The following NHSL1 variants were observed in gnomAD, a reference collection of about 807,000 sequenced individuals.
The protein encoded by NHSL1 is NHS-like protein 1.
In NHSL1, 48 loss-of-function variants were observed where a neutral mutation model predicts 95.0. That is an observed-to-expected ratio of 0.51 (90% CI 0.40 to 0.64). NHSL1 has a LOEUF of 0.64. Ranked by LOEUF, NHSL1 falls within the 30% of genes least tolerant of loss-of-function variation. NHSL1 has a pLI of 0.00. For synonymous variants in NHSL1, 783 were observed against 833.9 expected (o/e 0.94, Z 1.05); for missense variants, 1,971 against 2,077.7 (o/e 0.95, Z 1.00).
At chr6:138,458,308 T>C (rs572578553) in intron 3 of NHSL1, among the ~76,000 whole-genome samples, 1 of 152,334 alleles carries the variant, frequency 6.6e-6, no homozygotes, top group Non-Finnish European at 1.5e-5. Context: ...AGTCAGTTCT[T>C]CCTTACTGCT....
intron 1 of NHSL1, among the ~76,000 whole-genome samples, chr6:138,556,850 G>T (rs1334143616): frequency 6.6e-6 from 1 of 151,888 alleles, no homozygotes; most frequent in Non-Finnish European, 1.5e-5. Context: ...TAAATATAGA[G>T]GATACAAACA....
At chr6:138,571,880 C>T in exon 1 of NHSL1, 1 of 1,551,632 alleles carries the variant, frequency 6.4e-7, no homozygotes. Flanking sequence ...CGGCTGGAGT[C>T]TGAAGGAACC....
chr6:138,534,932 A>G (rs1782276784), intron 1 of NHSL1, among the ~76,000 whole-genome samples: 2 of 152,214 alleles, frequency 1.3e-5, no homozygotes, highest in Admixed American at 6.5e-5. Context: ...ATGCAGCTGC[A>G]AGTTCTGTAG....
intron 1 of NHSL1, among the ~76,000 whole-genome samples, chr6:138,620,722 TAAAAA>T (rs1328398975): frequency 1.3e-5 from 2 of 151,854 alleles, no homozygotes; most frequent in African/African-American, 4.8e-5. Context: ...TTCTAGAACT[TAAAAA>T]AAATATAATA....
chr6:138,627,071 G>A (rs1393870658), intron 1 of NHSL1, among the ~76,000 whole-genome samples: 2 of 152,004 alleles, frequency 1.3e-5, no homozygotes, highest in African/African-American at 4.8e-5. Context: ...CTATTCTAAG[G>A]GAAATAATAG....
At chr6:138,661,964 C>T (rs138435024) in intron 1 of NHSL1, among the ~76,000 whole-genome samples, 3 of 152,128 alleles carry the variant, frequency 2.0e-5, no homozygotes, top group Non-Finnish European at 4.4e-5. Flanking sequence ...GCCTCAGCTA[C>T]TTGAGAGGCT....
upstream of NHSL1, among the ~76,000 whole-genome samples, chr6:138,693,034 G>C (rs895761615): frequency 6.6e-6 from 1 of 151,432 alleles, no homozygotes; most frequent in Non-Finnish European, 1.5e-5. The surrounding 1 kb of genome is among the most constrained non-coding windows in gnomAD (Gnocchi z 4.3). Flanking sequence ...CCACCCGCAG[G>C]GCTTCGCGGG....
At chr6:138,652,583 T>C (rs890863669) in intron 1 of NHSL1, among the ~76,000 whole-genome samples, 1 of 152,162 alleles carries the variant, frequency 6.6e-6, no homozygotes, top group South Asian at 2.1e-4. Context: ...ATAAGAGTAA[T>C]TCAAGTAAGA....
At chr6:138,528,476 A>C (rs1478475755) in intron 1 of NHSL1, among the ~76,000 whole-genome samples, 1 of 152,224 alleles carries the variant, frequency 6.6e-6, no homozygotes, top group Non-Finnish European at 1.5e-5. Flanking sequence ...CTAGTCATTC[A>C]AGAAGTTATC....
chr6:138,559,595 C>CAACACCAAGACAACAGTGGACT (rs2114266728), intron 1 of NHSL1, among the ~76,000 whole-genome samples: 1 of 152,228 alleles, frequency 6.6e-6, no homozygotes, highest in South Asian at 2.1e-4. Context: ...GGCCTTTCTC[C>CAACACCAAGACAACAGTGGACT]AACACCAAGA....
At chr6:138,542,058 T>C (rs1782602749) in intron 1 of NHSL1, among the ~76,000 whole-genome samples, 1 of 152,036 alleles carries the variant, frequency 6.6e-6, no homozygotes, top group African/African-American at 2.4e-5. Context: ...GCAGATGTAA[T>C]TAGTTAAGGT....
chr6:138,524,599 T>G (rs188954783), intron 1 of NHSL1, among the ~76,000 whole-genome samples: 72 of 148,944 alleles, frequency 4.8e-4, no homozygotes, highest in African/African-American at 1.6e-3. Flanking sequence ...ACATTTAGTG[T>G]TTTTTTTTCC....
intron 1 of NHSL1, among the ~76,000 whole-genome samples, chr6:138,512,707 A>G (rs1781288188): frequency 6.6e-6 from 1 of 152,204 alleles, no homozygotes; most frequent in African/African-American, 2.4e-5. Context: ...AATGTCCTAA[A>G]AACATCACAG....
At chr6:138,651,267 G>A (rs955634990) in intron 1 of NHSL1, among the ~76,000 whole-genome samples, 4 of 152,068 alleles carry the variant, frequency 2.6e-5, no homozygotes, top group African/African-American at 9.7e-5. Flanking sequence ...AAGCAAAAAC[G>A]TTAAGGAACA....
Position 138,423,828 on chromosome 6 carries a change from A to T in NHSL1, c.*253T>A. On this transcript the variant is annotated 3_prime_UTR_variant, in exon 8 of 8. Transcript: ENST00000343505. ...CCCAGCATTTAGCAAAAAAAAAAAAAAAAAAAAAAAATCTTCCCCGGGAAG... is the reference window on the plus strand; with the variant it reads ...CCCAGCATTTAGCAAAAAAAAAAAATAAAAAAAAAAATCTTCCCCGGGAAG... 1 of 325,196 alleles carries T rather than the reference A, an allele frequency of 3.1e-6. No homozygotes were observed. The highest frequency in any genetic ancestry group is 4.7e-5 in the East Asian group (1 of 21,138). The allele number at this position is 325,196 out of a possible 1,614,324, so 20.1% of individuals were successfully genotyped here. A position where few individuals can be genotyped will look rare whatever the true frequency, so the allele number is the denominator to read the frequency against.
intron 1 of NHSL1, among the ~76,000 whole-genome samples, chr6:138,631,545 G>C (rs899015257): frequency 3.3e-5 from 5 of 152,106 alleles, no homozygotes; most frequent in African/African-American, 9.7e-5. Context: ...ATAGGGCAAC[G>C]GTCAAAGTCA....
At chr6:138,571,399 G>T (rs1016191621) in intron 1 of NHSL1, 2 of 320,482 alleles carry the variant, frequency 6.2e-6, no homozygotes, top group Non-Finnish European at 1.2e-5. Context: ...TAGCTAGGGT[G>T]GTGGGTGGTT....
intron 3 of NHSL1, 85 bp downstream of exon 3, chr6:138,473,221 T>C (rs1236648368): frequency 2.5e-6 from 3 of 1,185,252 alleles, no homozygotes; most frequent in Non-Finnish European, 1.1e-6. Context: ...ACAGGCTCAA[T>C]TTTGATTTTA....
chr6:138,582,730 C>T (rs1583433485), intron 1 of NHSL1, among the ~76,000 whole-genome samples: 3 of 152,176 alleles, frequency 2.0e-5, no homozygotes, highest in East Asian at 3.9e-4. Flanking sequence ...ATCTGTCCTC[C>T]CTACCACCAG....
Sources: allele counts gnomAD v4.1 joint callset (sites outside exome capture counted in the v4.1 genomes callset), GRCh38; gene constraint gnomAD v4.1.1; non-coding constraint Gnocchi (gnomAD v3.1); transcripts MANE v1.5; gene names NCBI Gene and HGNC (gene_info 2026-07-23, HGNC 2026-07-21).